Variants in EPS8 observed in about 807,000 individuals in gnomAD.
The protein encoded by EPS8 is epidermal growth factor receptor kinase substrate 8.
A neutral mutation model predicts 103.8 loss-of-function variants in EPS8; 42 were observed. The ratio of observed to expected loss-of-function variants is 0.40; its 90% CI spans 0.32 to 0.52. EPS8 has a LOEUF of 0.52. Ranked by LOEUF, EPS8 falls within the 20% of genes least tolerant of loss-of-function variation. The probability of loss-of-function intolerance (pLI) is 0.40; values close to 1 mark genes in which losing one functional copy is unlikely to be tolerated. For synonymous variants in EPS8, 344 were observed against 344.6 expected (o/e 1.00, Z 0.02); for missense variants, 969 against 1,005.1 (o/e 0.96, Z 0.49).
At chr12:15,765,958 C>T (rs1011695367) in intron 1 of EPS8, among the ~76,000 whole-genome samples, 4 of 151,216 alleles carry the variant, frequency 2.6e-5, no homozygotes, top group African/African-American at 7.3e-5. Context: ...GGATTACAGG[C>T]GCGTGCCACC....
At chr12:15,675,553 T>C (rs1399108537) in intron 3 of EPS8, among the ~76,000 whole-genome samples, 4 of 152,222 alleles carry the variant, frequency 2.6e-5, no homozygotes, top group African/African-American at 7.2e-5. Context: ...CAGCTGAGAC[T>C]GTGCCACGGC....
At chr12:15,664,649 G>A (rs537247546) in intron 8 of EPS8, among the ~76,000 whole-genome samples, 1 of 152,284 alleles carries the variant, frequency 6.6e-6, no homozygotes, top group African/African-American at 2.4e-5. Context: ...AGAGTCCGAG[G>A]TGACTCATTT....
Position 15,721,217 on chromosome 12 carries a change from T to A in EPS8, c.-21-38245A>T, listed in dbSNP as rs1946591393. The stretch of plus-strand genomic sequence containing the variant: ...AACACAAATACCACAACAGAGTAAC[T>A]CAAACTTTTCCCATTCACAATCTGT... On this transcript the variant is annotated intron_variant, in intron 1 of 20. Coordinates refer to ENST00000281172, the MANE Select transcript of EPS8 (RefSeq NM_004447.6). The surrounding 1 kb of genome is among the most constrained non-coding windows in gnomAD (Gnocchi z 4.4). Among the ~76,000 whole-genome samples, 1 of 152,100 alleles carries A rather than the reference T, an allele frequency of 6.6e-6. No homozygotes were observed. The highest frequency in any genetic ancestry group is 1.5e-5 in the Non-Finnish European group (1 of 68,006).
rs1944855955 is a variant in EPS8, at chr12:15,621,198, T to TC, written c.*118_*119insG. On this transcript the variant is annotated 3_prime_UTR_variant, in exon 21 of 21. Transcript: ENST00000281172. ...GCTCACTCAGGTTTGCATGGGTTTTTTTTTATGGTGATAAATTACATCAAG... is the reference window on the plus strand; with the variant it reads ...GCTCACTCAGGTTTGCATGGGTTTTTCTTTTATGGTGATAAATTACATCAAG... 1 of 548,790 alleles carries TC rather than the reference T, an allele frequency of 1.8e-6. No homozygotes were observed. The highest frequency in any genetic ancestry group is 4.2e-5 in the Admixed American group (1 of 23,580). 34.0% of individuals were successfully genotyped at this position (548,790 alleles called of 1,614,324 possible).
intron 13 of EPS8, among the ~76,000 whole-genome samples, chr12:15,651,962 A>G (rs1472898052): frequency 6.6e-6 from 1 of 152,144 alleles, no homozygotes; most frequent in Non-Finnish European, 1.5e-5. Context: ...TCTTATTTTA[A>G]GATAGAACCC....
chr12:15,704,012 T>TA lies in EPS8; in HGVS notation c.-21-21041dup, dbSNP rs375022435. The stretch of plus-strand genomic sequence containing the variant: ...GACCACACTTCCTAGAATTATTAGT[T>TA]ACACAAGAAATCCAATGAAGCTATC... On this transcript the variant is annotated intron_variant, in intron 1 of 20. Coordinates refer to ENST00000281172, the MANE Select transcript of EPS8 (RefSeq NM_004447.6). This position sits in a 1 kb window ranked among gnomAD's most constrained non-coding sequence, Gnocchi z 4.6. Among the ~76,000 whole-genome samples the TA allele has an allele frequency of 6.6e-4, 101 of 152,170 alleles. 1 individual carries two copies. The highest frequency in any genetic ancestry group is 2.3e-3 in the African/African-American group (95 of 41,530).
chr12:15,673,375 A>T (rs61908120), intron 3 of EPS8, among the ~76,000 whole-genome samples: 1 of 152,230 alleles, frequency 6.6e-6, no homozygotes, highest in Non-Finnish European at 1.5e-5. Flanking sequence ...TAATATTAAC[A>T]TTTTAATAGG....
intron 1 of EPS8, among the ~76,000 whole-genome samples, chr12:15,685,685 C>CA (rs1428297313): frequency 6.6e-6 from 1 of 152,166 alleles, no homozygotes; most frequent in Non-Finnish European, 1.5e-5. Context: ...TTTCACTTAT[C>CA]ACGGCGGCTC....
At chr12:15,652,325 T>C (rs1011572778) in intron 13 of EPS8, among the ~76,000 whole-genome samples, 1 of 152,170 alleles carries the variant, frequency 6.6e-6, no homozygotes. Flanking sequence ...AGAAGTTGAT[T>C]AATGGATACA....
Position 15,717,450 on chromosome 12 carries a change from G to A in EPS8, c.-21-34478C>T, listed in dbSNP as rs778104908. On this transcript the variant is annotated intron_variant, in intron 1 of 20. Coordinates refer to ENST00000281172, the MANE Select transcript of EPS8 (RefSeq NM_004447.6). The surrounding 1 kb of genome is among the most constrained non-coding windows in gnomAD (Gnocchi z 4.3). ...AAAAATACAAAAATTAGCTGGGCGCGGTGGCACGTGCCTGTAATCCCAGCT... is the reference window on the plus strand; with the variant it reads ...AAAAATACAAAAATTAGCTGGGCGCAGTGGCACGTGCCTGTAATCCCAGCT... Among the ~76,000 whole-genome samples, 12 of 152,058 alleles carry A rather than the reference G, an allele frequency of 7.9e-5. No individual in the cohort carries two copies. Among genetic ancestry groups the A allele is most frequent in the Admixed American group, 3.9e-4 (6 of 15,256 alleles).
rs757566029 is a variant in EPS8 at position 15,631,634 on chromosome 12, C to A, written c.1852G>T (p.Ala618Ser). 6.2e-7 allele frequency: 1 copy of A among 1,613,758 alleles called. No individual in the cohort carries two copies. Among genetic ancestry groups the A allele is most frequent in the Non-Finnish European group, 8.5e-7 (1 of 1,179,870 alleles). ...KQRMEYGPRP[A>S]DTPPAPSPPP... is the part of the protein sequence containing the mutation. ...GGTGATGGAGCAGGGGGAGTATCAG[C>A]TGGTCTTGGGCCATACTCCATCCTT... is the stretch of plus-strand genomic sequence containing the variant. The change falls in exon 18 of 21, where the codon GCT becomes TCT. Residue 618 changes from alanine (A) to serine (S), a missense_variant. Ala to Ser is a moderately conservative substitution (Grantham distance 99). Coordinates refer to ENST00000281172, the MANE Select transcript of EPS8 (RefSeq NM_004447.6).
At chr12:15,635,665 T>C (rs566025117) in intron 17 of EPS8, among the ~76,000 whole-genome samples, 1 of 152,314 alleles carries the variant, frequency 6.6e-6, no homozygotes, top group African/African-American at 2.4e-5. Flanking sequence ...ATGTATATAA[T>C]GAATGAGAAG....
chr12:15,654,107 G>T, intron 13 of EPS8, 38 bp downstream of exon 13: 3 of 1,583,532 alleles, frequency 1.9e-6, no homozygotes, highest in Non-Finnish European at 2.6e-6. Flanking sequence ...AATTAACAAA[G>T]AATGGTACTT....
intron 1 of EPS8, among the ~76,000 whole-genome samples, chr12:15,739,592 G>A (rs1946799459): frequency 6.6e-6 from 1 of 152,002 alleles, no homozygotes; most frequent in African/African-American, 2.4e-5. Context: ...AGAACTCCAG[G>A]GTCTCTGGTT....
At position 15,785,940 on chromosome 12, in the gene EPS8, A is replaced by C. The variant is rs1282667642; in HGVS notation, c.-22+3221T>G. On this transcript the variant is annotated intron_variant, in intron 1 of 20. Transcript: ENST00000281172. This position sits in a 1 kb window ranked among gnomAD's most constrained non-coding sequence, Gnocchi z 4.9. ...TTTATATAATATATATATATCCATGAGTCCAGAACAAAATAAATATGATTG... is the reference window on the plus strand; with the variant it reads ...TTTATATAATATATATATATCCATGCGTCCAGAACAAAATAAATATGATTG... 6.6e-6 allele frequency among the ~76,000 whole-genome samples: 1 copy of C among 151,720 alleles called. No individual in the cohort carries two copies. Among genetic ancestry groups the C allele is most frequent in the African/African-American group, 2.4e-5 (1 of 41,358 alleles).
In EPS8 at chr12:15,745,121, A is replaced by G. The variant is rs1946863042; in HGVS notation, c.-22+44040T>C. ...CGTGATCCACCCACCTCAGCCTCCC[A>G]AAGTGCTGGTATTATAGGCGTGAGC... On this transcript the variant is annotated intron_variant, in intron 1 of 20. Coordinates refer to ENST00000281172, the MANE Select transcript of EPS8 (RefSeq NM_004447.6). The surrounding 1 kb of genome is among the most constrained non-coding windows in gnomAD (Gnocchi z 4.6). Among the ~76,000 whole-genome samples, 1 of 152,202 alleles carries G rather than the reference A, an allele frequency of 6.6e-6. No homozygotes were observed. The highest frequency in any genetic ancestry group is 1.5e-5 in the Non-Finnish European group (1 of 68,038).
chr12:15,666,688 A>G (rs1945718069), intron 6 of EPS8, among the ~76,000 whole-genome samples, 166 bp from the exon 7 acceptor site: 3 of 152,232 alleles, frequency 2.0e-5, no homozygotes, highest in Admixed American at 2.0e-4. Context: ...GGTTTTTATA[A>G]TGGTGAACTA....
Position 15,717,083 on chromosome 12 carries a change from C to A in EPS8, c.-21-34111G>T, listed in dbSNP as rs1402236848. Among the ~76,000 whole-genome samples the A allele has an allele frequency of 1.3e-5, 2 of 152,196 alleles. No homozygotes were observed. The highest frequency in any genetic ancestry group is 2.9e-5 in the Non-Finnish European group (2 of 68,044). On this transcript the variant is annotated intron_variant, in intron 1 of 20. Coordinates refer to ENST00000281172, the MANE Select transcript of EPS8 (RefSeq NM_004447.6). This position sits in a 1 kb window ranked among gnomAD's most constrained non-coding sequence, Gnocchi z 4.3. ...GTTAAATTTGTATGGATACAATGAT[C>A]AATCAAATGCTTTAACAATTTACCT...
In EPS8 at chr12:15,714,080, CA is replaced by C. The variant is rs1946501043; in HGVS notation, c.-21-31109del. The stretch of plus-strand genomic sequence containing the variant: ...ACGGGATTTCTTTGGGTAGAAAAAC[CA>C]AACCAAAACAAAACAAAACAAAAAA... On this transcript the variant is annotated intron_variant, in intron 1 of 20. Coordinates refer to ENST00000281172, the MANE Select transcript of EPS8 (RefSeq NM_004447.6). The surrounding 1 kb of genome is among the most constrained non-coding windows in gnomAD (Gnocchi z 4.1). 6.6e-6 allele frequency among the ~76,000 whole-genome samples: 1 copy of C among 151,662 alleles called. No individual in the cohort carries two copies. Among genetic ancestry groups the C allele is most frequent in the African/African-American group, 2.4e-5 (1 of 41,250 alleles).
Sources: gnomAD v4.1 joint callset for allele counts (sites outside exome capture counted in the v4.1 genomes callset) on GRCh38, gnomAD v4.1.1 for gene constraint, Gnocchi (gnomAD v3.1) non-coding constraint, MANE v1.5 for transcripts, NCBI Gene and HGNC (gene_info 2026-07-23, HGNC 2026-07-21) for gene names.